Variants in CLEC16A observed in about 807,000 individuals in gnomAD.
CLEC16A encodes C-type lectin domain containing 16A.
A neutral mutation model predicts 109.5 loss-of-function variants in CLEC16A; 51 were observed. The ratio of observed to expected loss-of-function variants is 0.47; its 90% CI spans 0.37 to 0.59. The LOEUF (loss-of-function observed/expected upper bound fraction) is 0.59, where lower values mean the gene tolerates loss of function less well. Ranked by LOEUF, CLEC16A falls within the 20% of genes least tolerant of loss-of-function variation. CLEC16A has a pLI of 0.00. For missense variants in CLEC16A, 1,339 were observed against 1,394.0 expected (o/e 0.96, Z 0.63); for synonymous variants, 673 against 564.2 (o/e 1.19, Z -2.73).
intron 19 of CLEC16A, among the ~76,000 whole-genome samples, chr16:11,097,970 C>A (rs546518623): frequency 6.6e-6 from 1 of 152,254 alleles, no homozygotes; most frequent in South Asian, 2.1e-4. Flanking sequence ...ACAAGTGATG[C>A]CACAAGGCCA....
In CLEC16A at chr16:11,110,098, G is replaced by A. The variant is rs935359438; in HGVS notation, c.2117-10517G>A. On this transcript the variant is annotated intron_variant, in intron 19 of 23. Transcript: ENST00000409790. Reference sequence around the variant, plus strand: ...AATGGGCTACAGCCTGTCAGAGGGGGCTGTAGGGGAAGGCTTCAGCCCAGG... The same window carrying A: ...AATGGGCTACAGCCTGTCAGAGGGGACTGTAGGGGAAGGCTTCAGCCCAGG... Among the ~76,000 whole-genome samples the A allele has an allele frequency of 2.6e-5, 4 of 152,224 alleles. 1 individual carries two copies. The highest frequency in any genetic ancestry group is 5.9e-5 in the Non-Finnish European group (4 of 68,036).
intron 21 of CLEC16A, among the ~76,000 whole-genome samples, chr16:11,124,642 G>A (rs1160543377): frequency 1.3e-5 from 2 of 152,208 alleles, no homozygotes; most frequent in African/African-American, 4.8e-5. Flanking sequence ...TCGGCGTGGG[G>A]GGAAGGCATG....
At chr16:11,097,871 A>G (rs1402678274) in intron 19 of CLEC16A, among the ~76,000 whole-genome samples, 1 of 152,196 alleles carries the variant, frequency 6.6e-6, no homozygotes, top group Admixed American at 6.5e-5. Flanking sequence ...AGACTCCACC[A>G]ACTTCAGTGT....
At chr16:11,074,741 A>C (rs1245776046) in intron 19 of CLEC16A, among the ~76,000 whole-genome samples, 1 of 152,252 alleles carries the variant, frequency 6.6e-6, no homozygotes, top group Non-Finnish European at 1.5e-5. Context: ...GCTCTAGGAC[A>C]GTTCTTCTGA....
chr16:11,102,713 C>T (rs1013297830), intron 19 of CLEC16A, among the ~76,000 whole-genome samples: 3 of 152,232 alleles, frequency 2.0e-5, no homozygotes, highest in Non-Finnish European at 2.9e-5. Context: ...ACCCAGGCCC[C>T]TTCTCCATCT....
At position 10,973,005 on chromosome 16, in the gene CLEC16A, C is replaced by T; in HGVS notation, c.672C>T (p.Val224=). ...CTGTTCCTTACTTCTCCAATTTGGT[C>T]TGGTTCATTGGGAGCCATGTGATCG... ...KTAVPYFSNL[V]WFIGSHVIEL... Residue 224 remains valine (V), a synonymous_variant, in exon 7 of 24, where the codon GTC becomes GTT. Transcript: ENST00000409790. The T allele has an allele frequency of 1.2e-6, 2 of 1,610,782 alleles. No individual in the cohort carries two copies. Among genetic ancestry groups the T allele is most frequent in the Non-Finnish European group, 8.5e-7 (1 of 1,178,848 alleles).
chr16:11,113,263 C>T (rs1483714799), intron 19 of CLEC16A, among the ~76,000 whole-genome samples: 1 of 152,232 alleles, frequency 6.6e-6, no homozygotes, highest in Non-Finnish European at 1.5e-5. Context: ...CTGGCTGGGC[C>T]TCATAAAGAC....
intron 19 of CLEC16A, among the ~76,000 whole-genome samples, chr16:11,116,144 C>G (rs909232159): frequency 1.3e-5 from 2 of 151,972 alleles, no homozygotes; most frequent in African/African-American, 4.8e-5. Flanking sequence ...AATCCCAGCA[C>G]TTTGGGAGGT....
chr16:10,977,565 G>A (rs1279226291), intron 8 of CLEC16A, among the ~76,000 whole-genome samples, 166 bp downstream of exon 8: 1 of 152,146 alleles, frequency 6.6e-6, no homozygotes, highest in African/African-American at 2.4e-5. Context: ...CCAGGCTGGA[G>A]TGCAGTGGTG....
chr16:11,118,659 A>G (rs1362612459), intron 19 of CLEC16A, among the ~76,000 whole-genome samples: 11 of 152,148 alleles, frequency 7.2e-5, no homozygotes, highest in Admixed American at 3.3e-4. Flanking sequence ...CCATTTGTCT[A>G]TTTTTGGCTT....
At chr16:10,977,529 TA>T in intron 8 of CLEC16A, 130 bp downstream of exon 8, 1 of 899,440 alleles carries the variant, frequency 1.1e-6, no homozygotes, top group Non-Finnish European at 1.6e-6. Context: ...TGTTTGTTTT[TA>T]AAAGACGGAG....
chr16:11,031,357 C>T (rs2046732363), intron 13 of CLEC16A, among the ~76,000 whole-genome samples: 1 of 152,156 alleles, frequency 6.6e-6, no homozygotes, highest in East Asian at 1.9e-4. Context: ...CATGGGCTTC[C>T]TTCCTGCAGC....
intron 11 of CLEC16A, among the ~76,000 whole-genome samples, chr16:11,009,103 A>T (rs776620219): frequency 2.6e-5 from 4 of 152,200 alleles, no homozygotes; most frequent in Non-Finnish European, 5.9e-5. Context: ...TGCCCATTTA[A>T]TAACTCCCCA....
At chr16:11,135,539 C>G (rs1367692608) in intron 22 of CLEC16A, among the ~76,000 whole-genome samples, 1 of 152,238 alleles carries the variant, frequency 6.6e-6, no homozygotes, top group East Asian at 1.9e-4. Context: ...TTCCAAAGAA[C>G]TGAGTGTTGC....
chr16:11,042,894 T>A (rs964937211), intron 15 of CLEC16A, among the ~76,000 whole-genome samples: 1 of 149,634 alleles, frequency 6.7e-6, no homozygotes, highest in African/African-American at 2.4e-5. Flanking sequence ...TTAAGTATTA[T>A]AAGCAAATAA....
intron 23 of CLEC16A, among the ~76,000 whole-genome samples, chr16:11,169,977 G>T (rs1049730367): frequency 6.6e-6 from 1 of 152,168 alleles, no homozygotes; most frequent in African/African-American, 2.4e-5. Context: ...GAAAACACAG[G>T]GGCCCAGAAA....
chr16:11,173,470 T>C (rs2068610466), intron 23 of CLEC16A, among the ~76,000 whole-genome samples: 1 of 135,740 alleles, frequency 7.4e-6, no homozygotes, highest in Non-Finnish European at 1.6e-5. Context: ...TGGTCTCCGC[T>C]CTCCTGCTGT....
At position 11,174,074 on chromosome 16, in the gene CLEC16A, G is replaced by A. The variant is rs931736213; in HGVS notation, c.2807-4261G>A. Reference sequence around the variant, plus strand: ...TCGTCAGTGCTCAGCGTCCGCTGCTGCTCAGTGTCCCCTCCATGTCGCCTC... The same window carrying A: ...TCGTCAGTGCTCAGCGTCCGCTGCTACTCAGTGTCCCCTCCATGTCGCCTC... On this transcript the variant is annotated intron_variant, in intron 23 of 23. Transcript: ENST00000409790. The surrounding 1 kb of genome is among the most constrained non-coding windows in gnomAD (Gnocchi z 4.7). The A allele has an allele frequency of 3.5e-5, 15 of 425,140 alleles. No homozygotes were observed. The highest frequency in any genetic ancestry group is 7.4e-5 in the Non-Finnish European group (15 of 201,882). 26.3% of individuals were successfully genotyped at this position (425,140 alleles called of 1,614,324 possible).
intron 5 of CLEC16A, chr16:10,972,345 G>A: frequency 1.8e-6 from 1 of 570,278 alleles, no homozygotes; most frequent in Admixed American, 3.3e-5. Context: ...TTGTAAGATT[G>A]TGACCCTGGT....
Sources: allele counts gnomAD v4.1 joint callset (sites outside exome capture counted in the v4.1 genomes callset), GRCh38; gene constraint gnomAD v4.1.1; non-coding constraint Gnocchi (gnomAD v3.1); transcripts MANE v1.5; gene names NCBI Gene and HGNC (gene_info 2026-07-23, HGNC 2026-07-21).